Variants in SLC35F3 observed in about 807,000 individuals in gnomAD.
The protein encoded by SLC35F3 is putative thiamine transporter SLC35F3.
SLC35F3 carries 25 observed loss-of-function variants against 49.9 expected under a neutral mutation model. The observed-to-expected ratio is 0.50, with a 90% CI of 0.37 to 0.70. SLC35F3 has a LOEUF of 0.70. Ranked by LOEUF, SLC35F3 falls within the 30% of genes least tolerant of loss-of-function variation. The pLI, the probability that SLC35F3 is intolerant of heterozygous loss-of-function variation, is 0.00. For synonymous variants in SLC35F3, 275 were observed against 265.4 expected (o/e 1.04, Z -0.35); for missense variants, 525 against 639.8 (o/e 0.82, Z 1.94).
At chr1:234,068,471 G>C (rs768605332) in intron 2 of SLC35F3, among the ~76,000 whole-genome samples, 1 of 152,068 alleles carries the variant, frequency 6.6e-6, no homozygotes, top group Non-Finnish European at 1.5e-5. Context: ...ACAAGAAGCA[G>C]CTCAGCCTCC....
At chr1:234,139,951 T>TAATAAATAAAATAAAATAAAATAA (rs1665868204) in intron 2 of SLC35F3, among the ~76,000 whole-genome samples, 1 of 90,564 alleles carries the variant, frequency 1.1e-5, no homozygotes, top group African/African-American at 4.0e-5. Context: ...CATCTCAAAA[T>TAATAAATAAAATAAAATAAAATAA]AATAAAATAA....
At chr1:234,298,988 G>A (rs535769726) in intron 3 of SLC35F3, among the ~76,000 whole-genome samples, 30 of 152,280 alleles carry the variant, frequency 2.0e-4, no homozygotes, top group African/African-American at 6.7e-4. Context: ...AGTTCACATT[G>A]TGTGTCATAG....
chr1:234,298,852 A>G lies in SLC35F3; in HGVS notation c.609-10249A>G, dbSNP rs570901001. Among the ~76,000 whole-genome samples, 52 of 152,352 alleles carry G rather than the reference A, an allele frequency of 3.4e-4. No individual in the cohort carries two copies. In the East Asian group the frequency reaches 3.9e-3, roughly 11 times the overall value. ...AAAGTTGGAGAAAATACTTTTAAAA[A>G]TTGTTGTGGGACATCAGAGAGCAAC... On this transcript the variant is annotated intron_variant, in intron 3 of 7. Transcript: ENST00000366618.
intron 2 of SLC35F3, among the ~76,000 whole-genome samples, chr1:233,944,930 T>C (rs1326053330): frequency 2.0e-5 from 3 of 152,118 alleles, no homozygotes; most frequent in Non-Finnish European, 4.4e-5. Context: ...ATGATATCTG[T>C]AGCATATAAT....
intron 2 of SLC35F3, among the ~76,000 whole-genome samples, chr1:234,131,619 G>A (rs1161187507): frequency 6.6e-6 from 1 of 152,208 alleles, no homozygotes; most frequent in Non-Finnish European, 1.5e-5. Context: ...CACAGTTGTA[G>A]CGAGCAAGGA....
chr1:233,964,013 C>A (rs1295514882), intron 2 of SLC35F3, among the ~76,000 whole-genome samples: 2 of 152,196 alleles, frequency 1.3e-5, no homozygotes, highest in Non-Finnish European at 2.9e-5. Flanking sequence ...TTAGCAGAAA[C>A]TCAAGTTACT....
chr1:234,098,911 G>A (rs941495037), intron 2 of SLC35F3, among the ~76,000 whole-genome samples: 1 of 151,292 alleles, frequency 6.6e-6, no homozygotes, highest in Admixed American at 6.6e-5. Context: ...GACTGTGTTG[G>A]TGGTGGTGGC....
chr1:233,964,743 A>AGTTC (rs1662873360), intron 2 of SLC35F3, among the ~76,000 whole-genome samples: 1 of 152,194 alleles, frequency 6.6e-6, no homozygotes, highest in Non-Finnish European at 1.5e-5. Flanking sequence ...ATGCAATATG[A>AGTTC]GTTCTGATGG....
chr1:234,264,680 AG>A (rs1212152638), intron 3 of SLC35F3, among the ~76,000 whole-genome samples: 7 of 152,152 alleles, frequency 4.6e-5, no homozygotes, highest in African/African-American at 1.7e-4. Flanking sequence ...CAGCTTCCTG[AG>A]TAGCTAGGAC....
chr1:234,142,659 CA>C (rs58116775), intron 2 of SLC35F3, among the ~76,000 whole-genome samples: 22,407 of 146,932 alleles, frequency 0.15, 3,117 homozygotes, highest in East Asian at 0.75. Context: ...ATGCCAGCCT[CA>C]AAAAAAAAAC....
chr1:233,960,086 G>C (rs1216739628), intron 2 of SLC35F3, among the ~76,000 whole-genome samples: 1 of 152,186 alleles, frequency 6.6e-6, no homozygotes, highest in African/African-American at 2.4e-5. Flanking sequence ...CAAGATTGTT[G>C]CAATCTAGAT....
intron 3 of SLC35F3, chr1:234,272,266 A>G (rs1668120181): frequency 6.6e-6 from 1 of 152,214 alleles, no homozygotes; most frequent in African/African-American, 2.4e-5. Flanking sequence ...AGTAGGAGTA[A>G]TAGAAGGGCA....
chr1:233,905,140 G>GC lies in SLC35F3; in HGVS notation c.53+14dup. ...GCAAGAGCATTGCCGTGTGAGTAGC[G>GC]CCCCGGGCGTGGGTGAGCGAGCCGG... On this transcript the variant is annotated intron_variant, in intron 1 of 7. Coordinates refer to ENST00000366618, the MANE Select transcript of SLC35F3 (RefSeq NM_173508.4). 2 of 1,553,426 alleles carry GC rather than the reference G, an allele frequency of 1.3e-6. No homozygotes were observed. The highest frequency in any genetic ancestry group is 1.7e-6 in the Non-Finnish European group (2 of 1,147,682).
rs574742 is a variant in SLC35F3 at position 234,191,592 on chromosome 1, C to A, written c.284-39825C>A. On this transcript the variant is annotated intron_variant, in intron 2 of 7. Transcript: ENST00000366618. ...GCCCAGCAGAAGAAGAGAAATAACCCAGATCAGAGAAGAACTAAATGAAAT... is the reference window on the plus strand; with the variant it reads ...GCCCAGCAGAAGAAGAGAAATAACCAAGATCAGAGAAGAACTAAATGAAAT... Among the ~76,000 whole-genome samples, 497 of 151,392 alleles carry A rather than the reference C, an allele frequency of 3.3e-3. 4 individuals are homozygous for A. The highest frequency in any genetic ancestry group is 0.012 in the African/African-American group (475 of 41,050).
intron 2 of SLC35F3, among the ~76,000 whole-genome samples, chr1:234,041,986 A>G (rs1228034629): frequency 2.0e-5 from 3 of 152,064 alleles, no homozygotes; most frequent in Non-Finnish European, 4.4e-5. Context: ...CCCTTATGGC[A>G]TCAGTGGGGC....
Position 234,314,897 on chromosome 1 carries a change from G to A in SLC35F3, c.829-1705G>A, listed in dbSNP as rs192662986. On this transcript the variant is annotated intron_variant, in intron 4 of 7. Transcript: ENST00000366618. ...TCCTCTGATGCCTGCCCGGTTTGGCGTGTTCCTGACAGCCCCCTTGCATTA... is the reference window on the plus strand; with the variant it reads ...TCCTCTGATGCCTGCCCGGTTTGGCATGTTCCTGACAGCCCCCTTGCATTA... 4.6e-4 allele frequency among the ~76,000 whole-genome samples: 70 copies of A among 152,276 alleles called. No homozygotes were observed. In the East Asian group the frequency reaches 5.0e-3, roughly 11 times the overall value.
chr1:234,207,436 CTTCCTTT>C (rs1666989676), intron 2 of SLC35F3, among the ~76,000 whole-genome samples: 1 of 15,922 alleles, frequency 6.3e-5, no homozygotes, highest in Non-Finnish European at 1.2e-4. Flanking sequence ...CTCTTTCCTG[CTTCCTTT>C]TTTCTTCTTT....
chr1:234,049,445 A>T (rs1207881179), intron 2 of SLC35F3, among the ~76,000 whole-genome samples: 2 of 152,150 alleles, frequency 1.3e-5, no homozygotes, highest in East Asian at 1.9e-4. Context: ...CACAACAAGA[A>T]GCCAGCCATT....
chr1:234,103,334 C>A (rs1288443776), intron 2 of SLC35F3, among the ~76,000 whole-genome samples: 1 of 152,114 alleles, frequency 6.6e-6, no homozygotes, highest in East Asian at 1.9e-4. Flanking sequence ...GAGCATCTGC[C>A]TTCAATCACA....
Sources: allele counts gnomAD v4.1 joint callset (sites outside exome capture counted in the v4.1 genomes callset), GRCh38; gene constraint gnomAD v4.1.1; transcripts MANE v1.5; gene names NCBI Gene and HGNC (gene_info 2026-07-23, HGNC 2026-07-21).